PKHD1: variants seen among roughly 807,000 people sequenced by gnomAD.
The protein encoded by PKHD1 is PKHD1 ciliary IPT domain containing fibrocystin/polyductin, also known as fibrocystin.
PKHD1 carries 291 observed loss-of-function variants against 412.0 expected under a neutral mutation model. That is an observed-to-expected ratio of 0.71 (90% CI 0.64 to 0.78). The LOEUF (loss-of-function observed/expected upper bound fraction) is 0.78, where lower values mean the gene tolerates loss of function less well. PKHD1 is among the 30% of genes least tolerant of loss of function. The pLI is 0.00. For synonymous variants in PKHD1, 1,777 were observed against 1,821.5 expected, an observed-to-expected ratio of 0.98 and a Z score of 0.62; for missense variants, 4,825 against 4,950.7, an observed-to-expected ratio of 0.97 and a Z score of 0.76.
intron 60 of PKHD1, among the ~76,000 whole-genome samples, chr6:51,714,479 A>G (rs1250717338): frequency 6.6e-6 from 1 of 152,256 alleles, no homozygotes; most frequent in Non-Finnish European, 1.5e-5. Context: ...CCAGATGAGC[A>G]GAAGCCACAC....
At chr6:52,038,159 A>G (rs1398079398) in intron 27 of PKHD1, among the ~76,000 whole-genome samples, 1 of 152,142 alleles carries the variant, frequency 6.6e-6, no homozygotes, top group Non-Finnish European at 1.5e-5. Flanking sequence ...AGGCAGGCAG[A>G]TCACAAGGTC....
At chr6:51,779,088 G>A (rs1045602479) in intron 53 of PKHD1, among the ~76,000 whole-genome samples, 5 of 152,122 alleles carry the variant, frequency 3.3e-5, no homozygotes, top group Admixed American at 3.3e-4. Context: ...ACTAGTAGGG[G>A]ACAAGGACAA....
At chr6:52,006,118 T>C (rs1799010424) in intron 35 of PKHD1, among the ~76,000 whole-genome samples, 1 of 151,546 alleles carries the variant, frequency 6.6e-6, no homozygotes, top group Admixed American at 6.6e-5. Context: ...TAAGTACTGA[T>C]CTTATCAATC....
At chr6:52,022,228 A>C (rs1801503260) in intron 33 of PKHD1, among the ~76,000 whole-genome samples, 1 of 152,248 alleles carries the variant, frequency 6.6e-6, no homozygotes, top group African/African-American at 2.4e-5. Flanking sequence ...AGCTTAAAGT[A>C]GTGAGCAATT....
At chr6:51,963,576 C>T (rs1259380885) in intron 35 of PKHD1, among the ~76,000 whole-genome samples, 1 of 152,120 alleles carries the variant, frequency 6.6e-6, no homozygotes, top group Non-Finnish European at 1.5e-5. Flanking sequence ...ATTACATGCA[C>T]GTTGCCATAA....
intron 35 of PKHD1, among the ~76,000 whole-genome samples, chr6:51,974,249 A>C (rs1794064953): frequency 6.6e-6 from 1 of 152,102 alleles, no homozygotes; most frequent in East Asian, 1.9e-4. Flanking sequence ...GAAAGAAAGA[A>C]AAAAAAACAT....
At chr6:51,941,381 G>A (rs11757014) in intron 36 of PKHD1, among the ~76,000 whole-genome samples, 50,785 of 147,778 alleles carry the variant, frequency 0.34, 9,959 homozygotes, top group African/African-American at 0.46. Context: ...TCAGCCTCCC[G>A]AGTAGCTGGG....
chr6:51,787,605 T>A (rs952934361), intron 53 of PKHD1, among the ~76,000 whole-genome samples: 1 of 152,172 alleles, frequency 6.6e-6, no homozygotes, highest in African/African-American at 2.4e-5. Flanking sequence ...ATTGGGCAGA[T>A]GGGTTCCAAT....
At chr6:51,726,410 G>A (rs1211745533) in intron 60 of PKHD1, among the ~76,000 whole-genome samples, 1 of 152,084 alleles carries the variant, frequency 6.6e-6, no homozygotes, top group Non-Finnish European at 1.5e-5. Flanking sequence ...CTTCAACTTG[G>A]GACAAAAATG....
At chr6:51,925,686 C>T (rs1785467599) in intron 37 of PKHD1, among the ~76,000 whole-genome samples, 1 of 152,164 alleles carries the variant, frequency 6.6e-6, no homozygotes, top group Admixed American at 6.5e-5. Flanking sequence ...ATCCAGCTTG[C>T]TGGCCTTCTG....
At chr6:51,731,016 G>A (rs910565543) in intron 60 of PKHD1, among the ~76,000 whole-genome samples, 11 of 152,230 alleles carry the variant, frequency 7.2e-5, no homozygotes, top group African/African-American at 2.6e-4. Flanking sequence ...GACCTCTCAG[G>A]CTCAGGTGAT....
intron 31 of PKHD1, 109 bp downstream of exon 31, chr6:52,027,720 G>A (rs1802433969): frequency 1.2e-6 from 1 of 816,624 alleles, no homozygotes; most frequent in Admixed American, 1.9e-5. Context: ...TTTCTCTCCT[G>A]TTTCCCCTCT....
At chr6:51,620,802 A>ATG (rs1441876016) in intron 66 of PKHD1, among the ~76,000 whole-genome samples, 4,944 of 141,480 alleles carry the variant, frequency 0.035, 110 homozygotes, top group Non-Finnish European at 0.042. Context: ...ATATATATGT[A>ATG]TATATATATA....
At chr6:51,705,410 A>G (rs943886276) in intron 60 of PKHD1, among the ~76,000 whole-genome samples, 1 of 152,132 alleles carries the variant, frequency 6.6e-6, no homozygotes, top group African/African-American at 2.4e-5. Context: ...GGTAAGGAAG[A>G]GTCAATGTGG....
At position 51,999,978 on chromosome 6, in the gene PKHD1, C is replaced by T. The variant is rs953280433; in HGVS notation, c.5751+10331G>A. On this transcript the variant is annotated intron_variant, in intron 35 of 66. Coordinates refer to ENST00000371117, the MANE Select transcript of PKHD1 (RefSeq NM_138694.4). ...GACCCTTCATACCTGGGAAAGGAACCTACTCATAGTTGGGTGCCTTTAATT... is the reference window on the plus strand; with the variant it reads ...GACCCTTCATACCTGGGAAAGGAACTTACTCATAGTTGGGTGCCTTTAATT... Among the ~76,000 whole-genome samples, 6 of 152,162 alleles carry T rather than the reference C, an allele frequency of 3.9e-5. No individual in the cohort carries two copies. The East Asian group carries it at 1.2e-3, about 29-fold the overall frequency.
At chr6:52,023,894 CA>C (rs1001606660) in intron 32 of PKHD1, among the ~76,000 whole-genome samples, 30 of 152,248 alleles carry the variant, frequency 2.0e-4, no homozygotes, top group African/African-American at 7.2e-4. Context: ...AAGCTGAGAC[CA>C]AATTTTTTCT....
intron 53 of PKHD1, among the ~76,000 whole-genome samples, chr6:51,777,337 T>A (rs552964505): frequency 4.1e-4 from 63 of 152,200 alleles, no homozygotes; most frequent in Non-Finnish European, 7.4e-4. Flanking sequence ...CAGCCATTAC[T>A]CTAGTACTCT....
rs1231930583 is a variant in PKHD1 at position 51,616,818 on chromosome 6, T to C, written c.*2263A>G. The C allele has an allele frequency of 2.5e-6, 1 of 395,838 alleles. No individual in the cohort carries two copies. Among genetic ancestry groups the C allele is most frequent in the East Asian group, 3.6e-5 (1 of 27,990 alleles). The allele number at this position is 395,838 out of a possible 1,614,324, so 24.5% of individuals were successfully genotyped here. On this transcript the variant is annotated 3_prime_UTR_variant, in exon 67 of 67. Coordinates refer to ENST00000371117, the MANE Select transcript of PKHD1 (RefSeq NM_138694.4). The stretch of plus-strand genomic sequence containing the variant: ...AGGATAAATAAGAAGATAATAAAAA[T>C]TGGAAGAAGGGTAAAGAAGGGGCAG...
chr6:51,981,310 G>GCCTCTCCCTCTCC (rs1562045774), intron 35 of PKHD1, among the ~76,000 whole-genome samples: 1 of 12,910 alleles, frequency 7.7e-5, no homozygotes, highest in Non-Finnish European at 2.9e-4. Flanking sequence ...CAAAGCTCAA[G>GCCTCTCCCTCTCC]CTCTCCCTCT....
Sources: allele counts gnomAD v4.1 joint callset (sites outside exome capture counted in the v4.1 genomes callset), GRCh38; gene constraint gnomAD v4.1.1; transcripts MANE v1.5; gene names NCBI Gene and HGNC (gene_info 2026-07-23, HGNC 2026-07-21).